ANKRD27: variants seen among roughly 807,000 people sequenced by gnomAD.
The protein encoded by ANKRD27 is ankyrin repeat domain 27, also known as ankyrin repeat domain-containing protein 27.
ANKRD27 carries 112 observed loss-of-function variants against 129.7 expected under a neutral mutation model. That is an observed-to-expected ratio of 0.86 (90% CI 0.74 to 1.01). ANKRD27 has a LOEUF of 1.01. Among genes scored for constraint, ANKRD27 ranks in the 50% least tolerant of loss-of-function variants. ANKRD27 has a pLI of 0.00. For synonymous variants in ANKRD27, 516 were observed against 511.2 expected, an observed-to-expected ratio of 1.01 and a Z score of -0.13; for missense variants, 1,258 against 1,300.5, an observed-to-expected ratio of 0.97 and a Z score of 0.50.
At chr19:32,658,794 A>C in intron 2 of ANKRD27, 120 bp downstream of exon 2, 1 of 870,492 alleles carries the variant, frequency 1.1e-6, no homozygotes, top group South Asian at 1.4e-5. Flanking sequence ...CAGACCAAGC[A>C]CACTGCTGGG....
chr19:32,625,915 T>C lies in ANKRD27; in HGVS notation c.1588A>G (p.Asn530Asp). ...GTGCAGGCCAGGTGGAGTGGCGTAT[T>C]CCCATTGTTGTCCTGCACTTCCGCG... Reference protein sequence around the residue: ...ASAEVQDNNGNTPLHLACTYG... With the variant: ...ASAEVQDNNGDTPLHLACTYG... The change falls in exon 17 of 29, where the codon AAT becomes GAT. Residue 530 changes from asparagine to aspartate, a missense_variant. Physicochemically the swap from Asn to Asp is conservative, Grantham distance 23. Transcript: ENST00000306065. 6.2e-7 allele frequency: 1 copy of C among 1,610,958 alleles called. No individual in the cohort carries two copies. The highest frequency in any genetic ancestry group is 1.7e-5 in the Admixed American group (1 of 59,438).
At chr19:32,662,226 G>A (rs941214314) in intron 1 of ANKRD27, among the ~76,000 whole-genome samples, 3 of 140,930 alleles carry the variant, frequency 2.1e-5, no homozygotes, top group East Asian at 2.1e-4. Flanking sequence ...GCAAAGAATC[G>A]CTTGAACTCA....
intron 2 of ANKRD27, among the ~76,000 whole-genome samples, chr19:32,651,249 C>T (rs1027550220): frequency 1.3e-5 from 2 of 152,084 alleles, no homozygotes; most frequent in African/African-American, 4.8e-5. Context: ...AGAGCCAGTC[C>T]TCGGGTATTT....
At chr19:32,667,126 T>C (rs570992885) in intron 1 of ANKRD27, among the ~76,000 whole-genome samples, 3 of 152,334 alleles carry the variant, frequency 2.0e-5, no homozygotes, top group Non-Finnish European at 4.4e-5. Context: ...CAAGCTCACA[T>C]GGGACCTTTG....
chr19:32,648,619 T>C (rs913684995), intron 3 of ANKRD27, among the ~76,000 whole-genome samples: 55 of 152,012 alleles, frequency 3.6e-4, no homozygotes, highest in African/African-American at 1.1e-3. Flanking sequence ...GCTAACATGG[T>C]GAAACCTCGT....
intron 1 of ANKRD27, among the ~76,000 whole-genome samples, chr19:32,668,619 T>A (rs1374421637): frequency 1.3e-5 from 2 of 151,758 alleles, no homozygotes; most frequent in Non-Finnish European, 2.9e-5. Context: ...ACTACAGGCA[T>A]GAGCCACCAT....
At chr19:32,669,139 A>G (rs1490172545) in intron 1 of ANKRD27, among the ~76,000 whole-genome samples, 1 of 152,180 alleles carries the variant, frequency 6.6e-6, no homozygotes, top group African/African-American at 2.4e-5. Context: ...TCAACAGAAG[A>G]AAAGTCCACA....
intron 22 of ANKRD27, among the ~76,000 whole-genome samples, chr19:32,613,706 C>CT (rs58394462): frequency 0.019 from 2,580 of 132,936 alleles, 109 homozygotes; most frequent in South Asian, 0.071. Context: ...ATTTATGTAA[C>CT]TTTTTTTTTT....
intron 2 of ANKRD27, among the ~76,000 whole-genome samples, chr19:32,654,456 T>C (rs896270807): frequency 1.3e-5 from 2 of 152,230 alleles, no homozygotes; most frequent in African/African-American, 4.8e-5. Context: ...GGCATTTTCC[T>C]GGAGACCATC....
chr19:32,669,771 T>C (rs1345611878), intron 1 of ANKRD27, among the ~76,000 whole-genome samples: 3 of 151,964 alleles, frequency 2.0e-5, no homozygotes, highest in Non-Finnish European at 4.4e-5. Context: ...GCCAAGGCAG[T>C]GGATCACCTG....
chr19:32,624,293 G>A (rs866211105), intron 17 of ANKRD27, among the ~76,000 whole-genome samples: 1 of 151,936 alleles, frequency 6.6e-6, no homozygotes. Context: ...CTTGAACCCG[G>A]GAGGCAGAGG....
At chr19:32,605,354 C>CAAG (rs771262085) in intron 24 of ANKRD27, among the ~76,000 whole-genome samples, 5 of 152,156 alleles carry the variant, frequency 3.3e-5, no homozygotes, top group Non-Finnish European at 7.3e-5. Context: ...GGCCACAGAG[C>CAAG]AAGACCTTGT....
chr19:32,614,810 T>A lies in ANKRD27; in HGVS notation c.2175+848A>T, dbSNP rs565050982. Among the ~76,000 whole-genome samples the A allele has an allele frequency of 1.2e-4, 18 of 152,190 alleles. No homozygotes were observed. The East Asian group carries it at 3.5e-3, about 29-fold the overall frequency. On this transcript the variant is annotated intron_variant, in intron 22 of 28. Coordinates refer to ENST00000306065, the MANE Select transcript of ANKRD27 (RefSeq NM_032139.3). ...TGTGGCACAACTGTACAGAACTACATACACACACACGAGAACAAGCAGAAC... is the reference window on the plus strand; with the variant it reads ...TGTGGCACAACTGTACAGAACTACAAACACACACACGAGAACAAGCAGAAC...
rs1425618437 is a variant in ANKRD27 at position 32,644,419 on chromosome 19, A to G, written c.431T>C (p.Phe144Ser). Residue 144 changes from phenylalanine to serine, a missense_variant, in exon 5 of 29, where the codon TTC becomes TCC. Phe to Ser is a radical substitution (Grantham distance 155). Transcript: ENST00000306065. ...SLKTIEDVRE[F>S]LGRHSERFDR... ...AAATCGCTCGGAGTGTCTTCCCAAG[A>G]ACTCTCTCACATCTTCAATGGTTTT... 3.7e-6 allele frequency: 6 copies of G among 1,613,964 alleles called. No homozygotes were observed. The highest frequency in any genetic ancestry group is 2.2e-5 in the South Asian group (2 of 91,084).
At chr19:32,656,400 C>T (rs958007347) in intron 2 of ANKRD27, among the ~76,000 whole-genome samples, 1 of 152,236 alleles carries the variant, frequency 6.6e-6, no homozygotes. Context: ...CCGTACTTTT[C>T]CTCTGCGACA....
intron 16 of ANKRD27, among the ~76,000 whole-genome samples, chr19:32,626,230 C>T (rs762938902): frequency 2.6e-5 from 4 of 152,178 alleles, no homozygotes; most frequent in Non-Finnish European, 5.9e-5. Context: ...TGCAGTGGCA[C>T]GATCATTGCT....
intron 2 of ANKRD27, among the ~76,000 whole-genome samples, chr19:32,651,527 A>G (rs1034993243): frequency 2.0e-5 from 3 of 151,990 alleles, no homozygotes; most frequent in Admixed American, 2.0e-4. Context: ...CCGCCACCAC[A>G]CCCGGCTAAT....
At chr19:32,610,899 G>T (rs1278559483) in intron 22 of ANKRD27, among the ~76,000 whole-genome samples, 1 of 152,070 alleles carries the variant, frequency 6.6e-6, no homozygotes, top group African/African-American at 2.4e-5. Context: ...AGGATCACTT[G>T]AGCCCAGGAG....
chr19:32,622,771 CA>C (rs1972033559), intron 17 of ANKRD27, 152 bp from the exon 18 acceptor site: 2 of 657,670 alleles, frequency 3.0e-6, no homozygotes, highest in Admixed American at 2.9e-5. Context: ...CATTCTCATT[CA>C]TTTTTTTTTT....
Sources: gnomAD v4.1 joint callset for allele counts (sites outside exome capture counted in the v4.1 genomes callset) on GRCh38, gnomAD v4.1.1 for gene constraint, MANE v1.5 for transcripts, NCBI Gene and HGNC (gene_info 2026-07-23, HGNC 2026-07-21) for gene names.